Variants in MYCT1 observed in about 807,000 individuals in gnomAD.
The protein encoded by MYCT1 is myc target protein 1.
A neutral mutation model predicts 15.0 loss-of-function variants in MYCT1; 12 were observed. The observed-to-expected ratio is 0.80, with a 90% confidence interval of 0.51 to 1.29. The LOEUF (loss-of-function observed/expected upper bound fraction) is 1.29, where lower values mean the gene tolerates loss of function less well. Among genes scored for constraint, MYCT1 ranks in the 50% most tolerant of loss-of-function variants. MYCT1 has a pLI of 0.00. For synonymous variants in MYCT1, 104 were observed against 102.7 expected, an observed-to-expected ratio of 1.01 and a Z score of -0.07; for missense variants, 287 against 279.1, an observed-to-expected ratio of 1.03 and a Z score of -0.20.
intron 1 of MYCT1, among the ~76,000 whole-genome samples, chr6:152,718,513 T>A (rs950376530): frequency 3.9e-5 from 6 of 152,216 alleles, no homozygotes; most frequent in African/African-American, 1.4e-4. Flanking sequence ...CGCAAAGTGC[T>A]GGGATTATAG....
chr6:152,722,718 A>T lies in MYCT1; in HGVS notation c.*465A>T. On this transcript the variant is annotated 3_prime_UTR_variant, in exon 2 of 2. Coordinates refer to ENST00000367245, the MANE Select transcript of MYCT1 (RefSeq NM_025107.3). ...TTAGAATGACAAGTGAATCATATTG[A>T]CATTTTACAATCTTAGATTTTTCTT... is the stretch of plus-strand genomic sequence containing the variant. The T allele has an allele frequency of 2.7e-6, 1 of 376,740 alleles. No individual in the cohort carries two copies. Among genetic ancestry groups the T allele is most frequent in the South Asian group, 2.1e-5 (1 of 48,722 alleles). The allele number at this position is 376,740 out of a possible 1,614,324, so 23.3% of individuals were successfully genotyped here.
At chr6:152,732,162 G>C in the MYCT1 span, among the ~76,000 whole-genome samples, 1 of 152,028 alleles carries the variant, frequency 6.6e-6, no homozygotes, top group Non-Finnish European at 1.5e-5. Context: ...GCTTTTGTTT[G>C]TCTTTTAACT....
chr6:152,707,772 T>C (rs2099722552), intron 1 of MYCT1, among the ~76,000 whole-genome samples: 1 of 152,100 alleles, frequency 6.6e-6, no homozygotes, highest in Non-Finnish European at 1.5e-5. Context: ...CCATTGTGCA[T>C]TTTTGATACT....
the MYCT1 span, among the ~76,000 whole-genome samples, chr6:152,742,484 G>A: frequency 6.6e-6 from 1 of 152,160 alleles, no homozygotes; most frequent in Non-Finnish European, 1.5e-5. Flanking sequence ...ATCCAGGCTT[G>A]CAAGCCTGTT....
At chr6:152,736,105 G>A in the MYCT1 span, among the ~76,000 whole-genome samples, 1 of 152,014 alleles carries the variant, frequency 6.6e-6, no homozygotes, top group Admixed American at 6.6e-5. Context: ...CCAACAAAGG[G>A]CCATGGATTT....
chr6:152,723,319 A>C lies in MYCT1; in HGVS notation c.*1066A>C, dbSNP rs963234431. 2 of 152,184 alleles carry C rather than the reference A, an allele frequency of 1.3e-5. No homozygotes were observed. Among genetic ancestry groups the C allele is most frequent in the Non-Finnish European group, 2.9e-5 (2 of 68,020 alleles). 9.4% of individuals were successfully genotyped at this position (152,184 alleles called of 1,614,324 possible). A position where few individuals can be genotyped will look rare whatever the true frequency, so the allele number is the denominator to read the frequency against. ...CATTGTTAGAAAAGCAACAGGAAAA[A>C]ATCCAATTCATTTGACCTAAAAACA... On this transcript the variant is annotated 3_prime_UTR_variant, in exon 2 of 2. Coordinates refer to ENST00000367245, the MANE Select transcript of MYCT1 (RefSeq NM_025107.3).
chr6:152,712,975 A>C (rs1026131778), intron 1 of MYCT1, among the ~76,000 whole-genome samples: 4 of 152,048 alleles, frequency 2.6e-5, no homozygotes, highest in African/African-American at 9.7e-5. Context: ...TTTCAGCCTC[A>C]TTTATTCAAA....
chr6:152,743,750 C>T, the MYCT1 span, among the ~76,000 whole-genome samples: 1 of 152,144 alleles, frequency 6.6e-6, no homozygotes, highest in African/African-American at 2.4e-5. Context: ...TATGAAGTTG[C>T]TAAAATTTCT....
At chr6:152,738,274 C>CATCTATTATAGACATATGTTTAACATCT in the MYCT1 span, among the ~76,000 whole-genome samples, 1 of 151,976 alleles carries the variant, frequency 6.6e-6, no homozygotes, top group African/African-American at 2.4e-5. Context: ...ATATGATTAA[C>CATCTATTATAGACATATGTTTAACATCT]ATCTATTATA....
the MYCT1 span, among the ~76,000 whole-genome samples, chr6:152,729,711 T>G: frequency 6.6e-6 from 1 of 152,196 alleles, no homozygotes; most frequent in South Asian, 2.1e-4. Context: ...TTTATCCAGT[T>G]GGTGTGCTGA....
chr6:152,742,489 C>G, the MYCT1 span, among the ~76,000 whole-genome samples: 1 of 152,036 alleles, frequency 6.6e-6, no homozygotes, highest in Non-Finnish European at 1.5e-5. Flanking sequence ...GGCTTGCAAG[C>G]CTGTTTCCTT....
the MYCT1 span, among the ~76,000 whole-genome samples, chr6:152,731,150 C>A: frequency 6.6e-6 from 1 of 151,668 alleles, no homozygotes; most frequent in Non-Finnish European, 1.5e-5. Flanking sequence ...TAAATCTTGC[C>A]TAAAGTGAAG....
At chr6:152,732,727 G>C in the MYCT1 span, among the ~76,000 whole-genome samples, 2 of 152,188 alleles carry the variant, frequency 1.3e-5, no homozygotes, top group African/African-American at 4.8e-5. Flanking sequence ...AAAGGCAGAG[G>C]AAGATTTGGC....
chr6:152,746,815 T>A, the MYCT1 span, among the ~76,000 whole-genome samples: 2 of 152,188 alleles, frequency 1.3e-5, no homozygotes, highest in East Asian at 1.9e-4. Flanking sequence ...GTAATTTGAT[T>A]TGAAGCAAAA....
At chr6:152,720,509 A>G (rs965271340) in intron 1 of MYCT1, among the ~76,000 whole-genome samples, 5 of 152,168 alleles carry the variant, frequency 3.3e-5, no homozygotes, top group Non-Finnish European at 5.9e-5. Flanking sequence ...TACATAAGCA[A>G]TTAGATATGA....
downstream of MYCT1, among the ~76,000 whole-genome samples, chr6:152,727,931 A>C (rs2099725940): frequency 1.3e-5 from 2 of 152,148 alleles, no homozygotes; most frequent in Admixed American, 1.3e-4. Context: ...TGGTAGACGG[A>C]GACGGGCAGA....
chr6:152,719,169 A>G (rs182041680), intron 1 of MYCT1, among the ~76,000 whole-genome samples: 2 of 152,314 alleles, frequency 1.3e-5, no homozygotes, highest in Non-Finnish European at 1.5e-5. Flanking sequence ...GCTTGTTGAT[A>G]TTTAAAAGTC....
the MYCT1 span, among the ~76,000 whole-genome samples, chr6:152,732,312 TG>T: frequency 6.6e-6 from 1 of 152,122 alleles, no homozygotes; most frequent in African/African-American, 2.4e-5. Flanking sequence ...TTAAAAGTCA[TG>T]CAAATCAACA....
chr6:152,733,586 T>C, the MYCT1 span, among the ~76,000 whole-genome samples: 1 of 152,158 alleles, frequency 6.6e-6, no homozygotes, highest in Non-Finnish European at 1.5e-5. Context: ...TCCCTGTGAA[T>C]GGGGTTTTCA....
Sources: allele counts gnomAD v4.1 joint callset (sites outside exome capture counted in the v4.1 genomes callset), GRCh38; gene constraint gnomAD v4.1.1; transcripts MANE v1.5; gene names NCBI Gene and HGNC (gene_info 2026-07-23, HGNC 2026-07-21).